The following PCGF3 variants were observed in gnomAD, a reference collection of about 807,000 sequenced individuals.
PCGF3 encodes the protein polycomb group RING finger protein 3.
PCGF3 carries 7 observed loss-of-function variants against 33.1 expected under a neutral mutation model. The observed-to-expected ratio is 0.21, with a 90% confidence interval of 0.12 to 0.40. The LOEUF (loss-of-function observed/expected upper bound fraction) is 0.40, where lower values mean the gene tolerates loss of function less well. Among genes scored for constraint, PCGF3 ranks in the 10% least tolerant of loss-of-function variants. The pLI is 1.00. For missense variants in PCGF3, 211 were observed against 313.3 expected, an observed-to-expected ratio of 0.67 and a Z score of 2.46; for synonymous variants, 153 against 121.3, an observed-to-expected ratio of 1.26 and a Z score of -1.72.
exon 8 of PCGF3, chr4:744,619 C>G: frequency 1.9e-6 from 3 of 1,559,424 alleles, no homozygotes; most frequent in Non-Finnish European, 2.6e-6. Context: ...AAGCAGACGA[C>G]AGTTCAAACA....
Position 737,539 on chromosome 4 carries a change from T to C in PCGF3, c.262+18T>C. On this transcript the variant is annotated intron_variant, in intron 6 of 10. Transcript: ENST00000362003. ...CCAAGAAGGTGAGTGTCTGACTGTC[T>C]TGCTGATCCCTGAGGTCCCAGCCTG... The C allele has an allele frequency of 2.6e-6, 4 of 1,559,864 alleles. No individual in the cohort carries two copies. The highest frequency in any genetic ancestry group is 1.7e-4 in the Middle Eastern group (1 of 5,962).
At chr4:736,137 TC>T (rs897929850) in intron 5 of PCGF3, among the ~76,000 whole-genome samples, 30 of 152,046 alleles carry the variant, frequency 2.0e-4, no homozygotes, top group Admixed American at 9.8e-4. Context: ...AACCTCCACC[TC>T]CCGGGTTCAA....
chr4:714,544 G>C (rs1742721739), intron 1 of PCGF3, among the ~76,000 whole-genome samples: 4 of 152,216 alleles, frequency 2.6e-5, no homozygotes, highest in Admixed American at 2.6e-4. Flanking sequence ...CAGCTGTCTT[G>C]AGAATGTCTC....
intron 1 of PCGF3, among the ~76,000 whole-genome samples, chr4:707,863 C>T (rs1344029760): frequency 9.0e-6 from 1 of 111,728 alleles, no homozygotes; most frequent in Non-Finnish European, 2.0e-5. Flanking sequence ...TGGGACAGCC[C>T]TGTTTTCACC....
At chr4:755,904 CTTTTTTTTTTTTT>C (rs570528684) in intron 8 of PCGF3, among the ~76,000 whole-genome samples, 8 of 87,198 alleles carry the variant, frequency 9.2e-5, no homozygotes, top group Middle Eastern at 8.1e-3. Context: ...CAGAATTGTC[CTTTTTTTTTTTTT>C]TTTTTTTTTT....
At chr4:765,096 C>G in intron 10 of PCGF3, 32 bp downstream of exon 10, 1 of 1,456,474 alleles carries the variant, frequency 6.9e-7, no homozygotes, top group East Asian at 2.3e-5. Flanking sequence ...TCAGAGTCTG[C>G]TCTGAATGGC....
chr4:756,913 T>C (rs1039656218), intron 8 of PCGF3: 1 of 151,594 alleles, frequency 6.6e-6, no homozygotes, highest in African/African-American at 2.4e-5. Flanking sequence ...AATTATTGCA[T>C]TATATACATA....
At chr4:765,678 TGGGGAGAG>T (rs1745329326) in intron 10 of PCGF3, among the ~76,000 whole-genome samples, 1 of 151,808 alleles carries the variant, frequency 6.6e-6, no homozygotes, top group South Asian at 2.1e-4. Flanking sequence ...TGTTGCTGCC[TGGGGAGAG>T]GGGGAGGAGC....
At chr4:743,750 C>A in intron 7 of PCGF3, 166 bp downstream of exon 7, 1 of 562,548 alleles carries the variant, frequency 1.8e-6, no homozygotes, top group Admixed American at 3.2e-5. Flanking sequence ...CCTCCTCACT[C>A]CTGGTACCAG....
At chr4:710,811 G>A (rs1362331303) in intron 1 of PCGF3, among the ~76,000 whole-genome samples, 1 of 152,180 alleles carries the variant, frequency 6.6e-6, no homozygotes, top group African/African-American at 2.4e-5. Context: ...AGCTTCAAGT[G>A]CAAGGATTTT....
intron 1 of PCGF3, among the ~76,000 whole-genome samples, chr4:716,670 C>T (rs1742862167): frequency 7.5e-6 from 1 of 132,926 alleles, no homozygotes; most frequent in Non-Finnish European, 1.6e-5. Flanking sequence ...GGTGCTGGGA[C>T]CCTGTAGACA....
chr4:711,605 C>T (rs2109512196), intron 1 of PCGF3, among the ~76,000 whole-genome samples: 1 of 148,218 alleles, frequency 6.7e-6, no homozygotes, highest in African/African-American at 2.5e-5. Context: ...CTACAGGCGC[C>T]CGCCACCGCG....
intron 7 of PCGF3, 36 bp from the exon 8 acceptor site, chr4:744,564 A>C: frequency 1.4e-5 from 20 of 1,431,412 alleles, no homozygotes; most frequent in South Asian, 2.5e-5. Flanking sequence ...GACAGTTTGG[A>C]TTTCATGGTG....
At chr4:713,115 C>T (rs1243213534) in intron 1 of PCGF3, among the ~76,000 whole-genome samples, 3 of 146,252 alleles carry the variant, frequency 2.1e-5, no homozygotes, top group Non-Finnish European at 4.5e-5. Flanking sequence ...CCTGTGTGGT[C>T]TGGTGGGGGC....
At chr4:743,149 G>A (rs555302710) in intron 6 of PCGF3, among the ~76,000 whole-genome samples, 3 of 152,314 alleles carry the variant, frequency 2.0e-5, no homozygotes, top group South Asian at 4.1e-4. Context: ...GTGGTTCTGC[G>A]CCATTGGACA....
At chr4:760,253 C>G (rs1183583983) in intron 8 of PCGF3, among the ~76,000 whole-genome samples, 1 of 152,172 alleles carries the variant, frequency 6.6e-6, no homozygotes, top group Non-Finnish European at 1.5e-5. Flanking sequence ...TTTCTTAACA[C>G]TTCCTTTCCT....
intron 6 of PCGF3, among the ~76,000 whole-genome samples, chr4:737,743 A>G (rs1409522748): frequency 6.6e-6 from 1 of 152,202 alleles, no homozygotes; most frequent in African/African-American, 2.4e-5. Flanking sequence ...TTCATTCAGC[A>G]AGTATGGATC....
chr4:729,898 C>G (rs780230554), intron 1 of PCGF3, among the ~76,000 whole-genome samples: 14 of 152,204 alleles, frequency 9.2e-5, no homozygotes, highest in Non-Finnish European at 1.9e-4. Context: ...ACCTGTTTCC[C>G]CAACTCACAC....
intron 8 of PCGF3, among the ~76,000 whole-genome samples, chr4:756,679 G>A (rs1744782735): frequency 6.6e-6 from 1 of 151,970 alleles, no homozygotes; most frequent in African/African-American, 2.4e-5. Flanking sequence ...GTGGTTCAGT[G>A]GCCTTGGGTA....
Sources: gnomAD v4.1 joint callset for allele counts (sites outside exome capture counted in the v4.1 genomes callset) on GRCh38, gnomAD v4.1.1 for gene constraint, MANE v1.5 for transcripts, NCBI Gene and HGNC (gene_info 2026-07-23, HGNC 2026-07-21) for gene names.